SYT16: variants seen among roughly 807,000 people sequenced by gnomAD.
SYT16 encodes synaptotagmin 16.
Under a neutral mutation model 61.4 loss-of-function variants are expected in SYT16, and 42 were observed. That is an observed-to-expected ratio of 0.68 (90% CI 0.53 to 0.89). The LOEUF is 0.89. SYT16 is among the 40% of genes least tolerant of loss of function. The pLI is 0.00. For missense variants in SYT16, 804 were observed against 807.3 expected (o/e 1.00, Z 0.05); for synonymous variants, 314 against 302.3 (o/e 1.04, Z -0.40).
intron 3 of SYT16, among the ~76,000 whole-genome samples, chr14:62,031,318 T>C (rs1312535674): frequency 6.6e-6 from 1 of 152,230 alleles, no homozygotes; most frequent in African/African-American, 2.4e-5. Flanking sequence ...AATTTGCTGG[T>C]CTATTCACAT....
At chr14:61,913,755 G>A (rs999766166) in intron 1 of SYT16, among the ~76,000 whole-genome samples, 1 of 118,248 alleles carries the variant, frequency 8.5e-6, no homozygotes, top group Non-Finnish European at 1.8e-5. Context: ...CGAAGTTACA[G>A]GGACGAACTT....
At chr14:62,021,374 C>T (rs1167078292) in intron 3 of SYT16, among the ~76,000 whole-genome samples, 1 of 152,106 alleles carries the variant, frequency 6.6e-6, no homozygotes, top group Non-Finnish European at 1.5e-5. Flanking sequence ...AATCCTTCCT[C>T]TTTCTCAGAT....
intron 1 of SYT16, among the ~76,000 whole-genome samples, chr14:61,966,991 G>A (rs529863110): frequency 1.5e-4 from 23 of 152,306 alleles, no homozygotes; most frequent in African/African-American, 5.3e-4. Context: ...TTCTTATAAA[G>A]TTTAAAATTT....
intron 1 of SYT16, among the ~76,000 whole-genome samples, chr14:61,824,514 G>A (rs1039123649): frequency 1.3e-4 from 19 of 151,994 alleles, no homozygotes; most frequent in Admixed American, 1.2e-3. Flanking sequence ...CACCACGCCT[G>A]GCTAATTTTT....
intron 3 of SYT16, among the ~76,000 whole-genome samples, chr14:62,018,385 G>A (rs192576903): frequency 4.8e-4 from 63 of 130,676 alleles, no homozygotes; most frequent in Admixed American, 3.3e-3. Context: ...TCAGCTCACT[G>A]CAACCTCCGC....
chr14:62,003,765 G>A (rs987996499), intron 3 of SYT16, among the ~76,000 whole-genome samples: 1 of 152,054 alleles, frequency 6.6e-6, no homozygotes, highest in Non-Finnish European at 1.5e-5. Flanking sequence ...CCATTAAAGA[G>A]TTCTGTGATG....
intron 1 of SYT16, among the ~76,000 whole-genome samples, chr14:61,964,562 T>G (rs1333456604): frequency 1.3e-5 from 2 of 152,174 alleles, no homozygotes; most frequent in Non-Finnish European, 2.9e-5. Flanking sequence ...TAGAATCCAC[T>G]CCTAGTGAAG....
intron 1 of SYT16, among the ~76,000 whole-genome samples, chr14:61,879,599 C>T (rs2047622867): frequency 6.6e-6 from 1 of 152,170 alleles, no homozygotes; most frequent in Non-Finnish European, 1.5e-5. Flanking sequence ...AAGGTACCTG[C>T]TCTCCGACTC....
intron 1 of SYT16, among the ~76,000 whole-genome samples, chr14:61,958,076 A>G (rs983300176): frequency 9.9e-5 from 15 of 151,790 alleles, no homozygotes; most frequent in African/African-American, 3.6e-4. Context: ...ATTCATTTAT[A>G]TGTAATTATT....
At chr14:61,952,164 G>A (rs2050698985) in intron 1 of SYT16, among the ~76,000 whole-genome samples, 1 of 149,246 alleles carries the variant, frequency 6.7e-6, no homozygotes, top group South Asian at 2.1e-4. Context: ...GACATAAATT[G>A]TACAAGGCTC....
chr14:61,835,873 C>T (rs2046112172), intron 1 of SYT16, among the ~76,000 whole-genome samples: 1 of 152,164 alleles, frequency 6.6e-6, no homozygotes, highest in Admixed American at 6.5e-5. Flanking sequence ...TCCTACCTGG[C>T]TCACAGAAAC....
At chr14:62,036,327 G>A (rs1216078824) in intron 3 of SYT16, among the ~76,000 whole-genome samples, 1 of 152,124 alleles carries the variant, frequency 6.6e-6, no homozygotes, top group African/African-American at 2.4e-5. Flanking sequence ...GGTATGGCTG[G>A]AAGCGGAGAT....
intron 1 of SYT16, among the ~76,000 whole-genome samples, chr14:61,870,200 G>T (rs1276722641): frequency 6.6e-6 from 1 of 152,052 alleles, no homozygotes; most frequent in Non-Finnish European, 1.5e-5. Context: ...GTCTGAAAAA[G>T]TATTTACTTT....
intron 1 of SYT16, among the ~76,000 whole-genome samples, chr14:61,913,527 A>C (rs1348588969): frequency 6.6e-6 from 1 of 152,208 alleles, no homozygotes; most frequent in Non-Finnish European, 1.5e-5. Flanking sequence ...ATGCATACTG[A>C]TATGTGATGT....
chr14:61,996,521 ACTGTT>A lies in SYT16; in HGVS notation c.503_507del (p.Thr168LysfsTer12), dbSNP rs1251100478. The A allele has an allele frequency of 1.2e-6, 2 of 1,605,888 alleles. No homozygotes were observed. The highest frequency in any genetic ancestry group is 1.7e-6 in the Non-Finnish European group (2 of 1,175,960). On this transcript the variant is annotated frameshift_variant, in exon 3 of 8. Coordinates refer to ENST00000683842, the MANE Select transcript of SYT16 (RefSeq NM_001367656.1). LOFTEE classifies it high-confidence loss of function. ...CAGCCAGCTCCCTGGTACTTTAGAA[ACTGTT>A]AATGGAAAAAAGCAAGGTAAGCTAG...
At chr14:61,983,966 A>G (rs2052195122) in intron 2 of SYT16, among the ~76,000 whole-genome samples, 1 of 152,238 alleles carries the variant, frequency 6.6e-6, no homozygotes, top group Admixed American at 6.5e-5. Context: ...TGATGGGAAC[A>G]GGGTGATGAA....
chr14:61,958,762 G>C (rs1566716590), intron 1 of SYT16, among the ~76,000 whole-genome samples: 1 of 151,956 alleles, frequency 6.6e-6, no homozygotes, highest in African/African-American at 2.4e-5. Context: ...GTATCTGTTA[G>C]GTCCATTTGG....
intron 3 of SYT16, among the ~76,000 whole-genome samples, chr14:62,007,618 C>T (rs2053275480): frequency 6.6e-6 from 1 of 152,064 alleles, no homozygotes; most frequent in Admixed American, 6.6e-5. Context: ...GAGGAAATTT[C>T]AGGCATATAA....
rs1330606515 is a variant in SYT16, at chr14:62,104,594, A to C, written c.*3887A>C. On this transcript the variant is annotated 3_prime_UTR_variant, in exon 8 of 8. Coordinates refer to ENST00000683842, the MANE Select transcript of SYT16 (RefSeq NM_001367656.1). ...AGAGTAAACTAATAAACCAAAATAC[A>C]TATCAGATCAACTAGCTATCACTTT... 1.3e-5 allele frequency: 2 copies of C among 152,214 alleles called. No individual in the cohort carries two copies. Among genetic ancestry groups the C allele is most frequent in the African/African-American group, 2.4e-5 (1 of 41,466 alleles). 9.4% of individuals were successfully genotyped at this position (152,214 alleles called of 1,614,324 possible).
Sources: allele counts gnomAD v4.1 joint callset (sites outside exome capture counted in the v4.1 genomes callset), GRCh38; gene constraint gnomAD v4.1.1; transcripts MANE v1.5; gene names NCBI Gene and HGNC (gene_info 2026-07-23, HGNC 2026-07-21).